Variants in CYBB observed in about 807,000 individuals in gnomAD.
CYBB encodes the protein NADPH oxidase 2.
In CYBB, 5 loss-of-function variants were observed where a neutral mutation model predicts 46.5. That is an observed-to-expected ratio of 0.11 (90% confidence interval 0.06 to 0.23). The LOEUF is 0.23. Among genes scored for constraint, CYBB ranks in the 10% least tolerant of loss-of-function variants. The pLI, the probability that CYBB is intolerant of heterozygous loss-of-function variation, is 1.00. For synonymous variants in CYBB, 183 were observed against 156.7 expected (o/e 1.17, Z -1.26); for missense variants, 307 against 428.3 (o/e 0.72, Z 2.50).
At chrX:37,807,497 T>A (rs1314919832) in intron 11 of CYBB, among the ~76,000 whole-genome samples, 2 of 110,180 alleles carry the variant, frequency 1.8e-5, no homozygotes, top group African/African-American at 6.6e-5. Flanking sequence ...GTCACATAGA[T>A]TGTCTAATTT....
At chrX:37,803,281 T>C (rs961939718) in intron 8 of CYBB, among the ~76,000 whole-genome samples, 7 of 110,514 alleles carry the variant, frequency 6.3e-5, no homozygotes, top group Non-Finnish European at 9.5e-5. Context: ...CATTAAAATA[T>C]GGCAAAACTG....
intron 1 of CYBB, among the ~76,000 whole-genome samples, chrX:37,780,625 C>G (rs1162228903): frequency 9.1e-6 from 1 of 110,021 alleles, no homozygotes; most frequent in Non-Finnish European, 1.9e-5. Context: ...TTTCAGAGAT[C>G]TAAACTTGAG....
intron 6 of CYBB, among the ~76,000 whole-genome samples, chrX:37,796,599 AC>A (rs1211451989): frequency 8.9e-6 from 1 of 111,767 alleles, no homozygotes; most frequent in Non-Finnish European, 1.9e-5. Flanking sequence ...ATGTATGAGG[AC>A]CTATCTCAGG....
chrX:37,807,018 G>A (rs1929579579), intron 11 of CYBB, among the ~76,000 whole-genome samples: 1 of 110,696 alleles, frequency 9.0e-6, no homozygotes, highest in African/African-American at 3.3e-5. Context: ...CCATACTTCA[G>A]TACAAGCCAT....
chrX:37,803,861 A>G lies in CYBB; in HGVS notation c.898-16A>G. The G allele has an allele frequency of 8.3e-7, 1 of 1,208,864 alleles. No homozygotes were observed. The highest frequency in any genetic ancestry group is 1.1e-6 in the Non-Finnish European group (1 of 893,299). ...TAGGAAAAATGTCATTTCCAGACAT[A>G]TGTTTTATTCTATAGGTGGTCACTC... On this transcript the variant is annotated splice_polypyrimidine_tract_variant and intron_variant, in intron 8 of 12. Coordinates refer to ENST00000378588, the MANE Select transcript of CYBB (RefSeq NM_000397.4).
chrX:37,796,050 A>G lies in CYBB; in HGVS notation c.583A>G (p.Lys195Glu). 1 of 1,208,482 alleles carries G rather than the reference A, an allele frequency of 8.3e-7. No homozygotes were observed. Among genetic ancestry groups the G allele is most frequent in the East Asian group, 3.0e-5 (1 of 33,792 alleles). Residue 195 changes from lysine to glutamate, a missense_variant, in exon 6 of 13, where the codon AAA becomes GAA. Physicochemically the swap from Lys to Glu is moderately conservative, Grantham distance 56 (BLOSUM62 1). Around this residue, in one of 3 missense-constraint regions of CYBB, gnomAD observed 103 missense variants for 150.2 expected, o/e 0.69. Transcript: ENST00000378588. ...CLILIITSST[K>E]TIRRSYFEVF... ...CATATTAATTATCACTTCCTCCACCAAAACCATCCGGAGGTCTTACTTTGA... is the reference window on the plus strand; with the variant it reads ...CATATTAATTATCACTTCCTCCACCGAAACCATCCGGAGGTCTTACTTTGA...
At chrX:37,807,967 G>A (rs1305613892) in intron 11 of CYBB, among the ~76,000 whole-genome samples, 5 of 111,912 alleles carry the variant, frequency 4.5e-5, no homozygotes, top group African/African-American at 1.6e-4. Context: ...CTGAAACAAG[G>A]TAATGATTCC....
chrX:37,795,338 T>A (rs1929277849), intron 5 of CYBB, among the ~76,000 whole-genome samples: 1 of 111,676 alleles, frequency 9.0e-6, no homozygotes, highest in Non-Finnish European at 1.9e-5. Flanking sequence ...CTCTAAGTTG[T>A]AACTTACCCT....
At chrX:37,810,704 C>T in intron 12 of CYBB, 87 bp from the exon 13 acceptor site, 1 of 986,843 alleles carries the variant, frequency 1.0e-6, no homozygotes, top group Non-Finnish European at 1.4e-6. Context: ...TGCCCTGGGG[C>T]CTCAAATTAA....
intron 11 of CYBB, among the ~76,000 whole-genome samples, chrX:37,809,249 G>T (rs1319938319): frequency 8.9e-6 from 1 of 112,252 alleles, no homozygotes; most frequent in Non-Finnish European, 1.9e-5. Context: ...ATCAATGCCT[G>T]ACTCAAATAC....
chrX:37,798,824 G>A, intron 6 of CYBB, 131 bp from the exon 7 acceptor site: 2 of 633,923 alleles, frequency 3.2e-6, no homozygotes, highest in Non-Finnish European at 5.0e-6. Flanking sequence ...TTCAGAGGGA[G>A]CAATAAGCTA....
At chrX:37,809,239 A>G (rs782751757) in intron 11 of CYBB, among the ~76,000 whole-genome samples, 3 of 112,358 alleles carry the variant, frequency 2.7e-5, no homozygotes, top group East Asian at 2.8e-4. Context: ...CTATTCATCC[A>G]TCAATGCCTG....
At chrX:37,803,494 A>G (rs1556470628) in intron 8 of CYBB, among the ~76,000 whole-genome samples, 2 of 111,519 alleles carry the variant, frequency 1.8e-5, no homozygotes, top group African/African-American at 6.5e-5. Flanking sequence ...AAGGTTTCTA[A>G]GGAATTCTAT....
At chrX:37,781,341 G>C (rs1928948658) in intron 1 of CYBB, among the ~76,000 whole-genome samples, 1 of 112,446 alleles carries the variant, frequency 8.9e-6, no homozygotes, top group Non-Finnish European at 1.9e-5. Context: ...CAGGAAATTG[G>C]GAAGTTGCTT....
At chrX:37,797,087 C>T (rs993879502) in intron 6 of CYBB, among the ~76,000 whole-genome samples, 3 of 110,982 alleles carry the variant, frequency 2.7e-5, no homozygotes, top group Non-Finnish European at 5.7e-5. Context: ...AGTAGAAGCT[C>T]AAGACTCACT....
intron 4 of CYBB, among the ~76,000 whole-genome samples, chrX:37,792,269 T>C (rs2146809422): frequency 8.9e-6 from 1 of 111,972 alleles, no homozygotes; most frequent in South Asian, 3.7e-4. Flanking sequence ...CATTTTTATT[T>C]CAGGATTTTC....
In CYBB at chrX:37,813,319, GTTC is replaced by G. The variant is rs1403332628; in HGVS notation, c.*2407_*2409del. The G allele has an allele frequency of 9.6e-6, 1 of 103,903 alleles. No homozygotes were observed. Among genetic ancestry groups the G allele is most frequent in the Admixed American group, 1.1e-4 (1 of 9,319 alleles). The allele number at this position is 103,903 out of a possible 1,213,427, so 8.6% of individuals were successfully genotyped here. ...CTTAAGACTATGAAGGTTTTTCTTA[GTTC>G]TTCTGCTTTTGCAATTGTGTTTGTG... On this transcript the variant is annotated 3_prime_UTR_variant, in exon 13 of 13. Transcript: ENST00000378588.
rs17146231 is a variant in CYBB, at chrX:37,791,506, T to A, written c.253-469T>A. ...AGGTGTACCCTTCTTTCTCCTCTCATAGTGTGTATGTCCTAGAACAGTGTT... is the reference window on the plus strand; with the variant it reads ...AGGTGTACCCTTCTTTCTCCTCTCAAAGTGTGTATGTCCTAGAACAGTGTT... On this transcript the variant is annotated intron_variant, in intron 3 of 12. Transcript: ENST00000378588. 5.0e-3 allele frequency among the ~76,000 whole-genome samples: 561 copies of A among 111,679 alleles called. 3 individuals are homozygous for A. The highest frequency in any genetic ancestry group is 0.017 in the African/African-American group (524 of 30,750).
At chrX:37,787,162 A>G (rs1556465735) in intron 3 of CYBB, among the ~76,000 whole-genome samples, 1 of 111,761 alleles carries the variant, frequency 8.9e-6, no homozygotes, top group Non-Finnish European at 1.9e-5. Context: ...CAAATTATAA[A>G]CAGTGCTATG....
Sources: allele counts gnomAD v4.1 joint callset (sites outside exome capture counted in the v4.1 genomes callset), GRCh38; gene constraint gnomAD v4.1.1; regional missense constraint gnomAD v4.1.1; transcripts MANE v1.5; gene names NCBI Gene and HGNC (gene_info 2026-07-23, HGNC 2026-07-21).